The following SEC24B variants were observed in gnomAD, a reference collection of about 807,000 sequenced individuals.
SEC24B encodes the protein protein transport protein Sec24B.
Under a neutral mutation model 142.8 loss-of-function variants are expected in SEC24B, and 45 were observed. That is an observed-to-expected ratio of 0.32 (90% CI 0.25 to 0.40). The LOEUF is 0.40. Ranked by LOEUF, SEC24B falls within the 10% of genes least tolerant of loss-of-function variation. The pLI is 1.00. For missense variants in SEC24B, 1,409 were observed against 1,526.8 expected (o/e 0.92, Z 1.29); for synonymous variants, 574 against 568.2 (o/e 1.01, Z -0.15).
intron 2 of SEC24B, among the ~76,000 whole-genome samples, chr4:109,466,338 A>G (rs1178697051): frequency 6.6e-6 from 1 of 152,232 alleles, no homozygotes; most frequent in East Asian, 1.9e-4. Context: ...CTGGCAACAT[A>G]ATTGCTTTCA....
intron 1 of SEC24B, among the ~76,000 whole-genome samples, chr4:109,462,498 CAG>C (rs1182735266): frequency 3.3e-5 from 5 of 152,134 alleles, no homozygotes; most frequent in African/African-American, 1.2e-4. Flanking sequence ...GGCTGTTGGC[CAG>C]AGAGTTAAGT....
chr4:109,442,304 C>T (rs1411091068), intron 1 of SEC24B, among the ~76,000 whole-genome samples: 3 of 152,106 alleles, frequency 2.0e-5, no homozygotes, highest in African/African-American at 7.2e-5. Flanking sequence ...AAGGTTTGGG[C>T]TAGCATGGTG....
At chr4:109,451,383 T>TG (rs1395487134) in intron 1 of SEC24B, among the ~76,000 whole-genome samples, 1 of 150,392 alleles carries the variant, frequency 6.6e-6, no homozygotes, top group Non-Finnish European at 1.5e-5. Context: ...TTTAAAGAAA[T>TG]GGAGTCTCGC....
chr4:109,504,329 C>T lies in SEC24B; in HGVS notation c.1489-1999C>T, dbSNP rs150741106. Among the ~76,000 whole-genome samples the T allele has an allele frequency of 4.7e-4, 71 of 152,242 alleles. No individual in the cohort carries two copies. The Middle Eastern group carries it at 0.01, about 22-fold the overall frequency. ...AAAATGCCTTTGTATACTTTGTTCA[C>T]ATTAAAACCCAAATAATAGTTTACT... On this transcript the variant is annotated intron_variant, in intron 6 of 23. Coordinates refer to ENST00000265175, the MANE Select transcript of SEC24B (RefSeq NM_006323.5).
chr4:109,434,366 A>G (rs1165146540), intron 1 of SEC24B, among the ~76,000 whole-genome samples: 3 of 152,116 alleles, frequency 2.0e-5, no homozygotes, highest in African/African-American at 7.2e-5. Flanking sequence ...CCTAGCCTGG[A>G]CGCGGGCGAG....
At chr4:109,491,692 C>G (rs1735035619) in intron 5 of SEC24B, among the ~76,000 whole-genome samples, 1 of 152,024 alleles carries the variant, frequency 6.6e-6, no homozygotes, top group South Asian at 2.1e-4. Flanking sequence ...AGAATAACTA[C>G]TCCTTAAATA....
At chr4:109,435,367 T>A (rs1728309303) in intron 1 of SEC24B, among the ~76,000 whole-genome samples, 1 of 152,236 alleles carries the variant, frequency 6.6e-6, no homozygotes, top group Non-Finnish European at 1.5e-5. Flanking sequence ...CTTGTAACCT[T>A]AATATAAGTT....
chr4:109,458,588 G>A (rs1730941030), intron 1 of SEC24B, among the ~76,000 whole-genome samples: 1 of 152,114 alleles, frequency 6.6e-6, no homozygotes, highest in South Asian at 2.1e-4. Flanking sequence ...ATGGCAGATA[G>A]AAAATTGATT....
chr4:109,503,036 G>T (rs893850339), intron 6 of SEC24B, among the ~76,000 whole-genome samples: 7 of 150,224 alleles, frequency 4.7e-5, no homozygotes, highest in Non-Finnish European at 1.0e-4. Flanking sequence ...TAAATTTTAT[G>T]TAGTTATTTT....
rs1726010921 is a variant in SEC24B, at chr4:109,539,916, C to T, written c.*241C>T. ...AGTATATTTTGAATTGGTTTCTACACATTTCCAGTAGTATGGCAGTACAGT... is the reference window on the plus strand; with the variant it reads ...AGTATATTTTGAATTGGTTTCTACATATTTCCAGTAGTATGGCAGTACAGT... On this transcript the variant is annotated 3_prime_UTR_variant, in exon 24 of 24. Transcript: ENST00000265175. 1 of 461,004 alleles carries T rather than the reference C, an allele frequency of 2.2e-6. No individual in the cohort carries two copies. Among genetic ancestry groups the T allele is most frequent in the Admixed American group, 3.9e-5 (1 of 25,352 alleles). 28.6% of individuals were successfully genotyped at this position (461,004 alleles called of 1,614,324 possible). A position where few individuals can be genotyped will look rare whatever the true frequency, so the allele number is the denominator to read the frequency against.
intron 4 of SEC24B, among the ~76,000 whole-genome samples, chr4:109,486,045 GT>G (rs777527299): frequency 6.0e-4 from 92 of 152,270 alleles, no homozygotes; most frequent in Non-Finnish European, 1.0e-3. Context: ...GTCTTGTTTT[GT>G]TTTTTCCCCC....
chr4:109,514,820 C>T (rs1737750499), intron 10 of SEC24B, among the ~76,000 whole-genome samples: 1 of 152,182 alleles, frequency 6.6e-6, no homozygotes, highest in Admixed American at 6.5e-5. Flanking sequence ...AAATTTTTGG[C>T]GCCTGGCTCA....
chr4:109,438,613 CAG>C (rs1728637761), intron 1 of SEC24B, among the ~76,000 whole-genome samples: 1 of 152,202 alleles, frequency 6.6e-6, no homozygotes, highest in Admixed American at 6.5e-5. Context: ...TTTCTGTTAA[CAG>C]ACTCTAAGAA....
chr4:109,527,428 C>T lies in SEC24B; in HGVS notation c.3072C>T (p.Asn1024=), dbSNP rs775495287. Residue 1024 remains asparagine (N), a synonymous_variant, in exon 18 of 24, where the codon AAC becomes AAT. Transcript: ENST00000265175. ...AAGCTGCCATCTGCCTTCTGGCAAA[C>T]ATGGGTGAGTAAAAATTGAAGGAAC... is the stretch of plus-strand genomic sequence containing the variant. The part of the protein sequence containing the change: ...DVQAAICLLA[N]MAVDRSVSSS... The T allele has an allele frequency of 2.3e-5, 37 of 1,597,566 alleles. 1 individual carries two copies. In the South Asian group the frequency reaches 3.0e-4, roughly 13 times the overall value.
At chr4:109,529,778 C>T (rs923134606) in intron 18 of SEC24B, among the ~76,000 whole-genome samples, 12 of 152,296 alleles carry the variant, frequency 7.9e-5, no homozygotes, top group African/African-American at 1.9e-4. Flanking sequence ...CTTGCTCTGT[C>T]GCCCATGCCA....
At chr4:109,455,129 A>G (rs1730531417) in intron 1 of SEC24B, among the ~76,000 whole-genome samples, 1 of 152,192 alleles carries the variant, frequency 6.6e-6, no homozygotes. Context: ...TTTTCAGCAC[A>G]CCTTCAGAGG....
chr4:109,464,086 G>T (rs1451180128), intron 2 of SEC24B, among the ~76,000 whole-genome samples: 1 of 152,076 alleles, frequency 6.6e-6, no homozygotes, highest in Non-Finnish European at 1.5e-5. Context: ...CCCCAAGTTA[G>T]CCCCTATTAG....
intron 4 of SEC24B, among the ~76,000 whole-genome samples, chr4:109,483,003 C>CACACACACACATATACACACACACACAT (rs1408633373): frequency 4.8e-5 from 4 of 84,100 alleles, no homozygotes; most frequent in African/African-American, 3.3e-4. Context: ...CACACACACA[C>CACACACACACATATACACACACACACAT]ATATTATACA....
At chr4:109,467,808 C>T (rs566199041) in intron 2 of SEC24B, among the ~76,000 whole-genome samples, 26 of 152,130 alleles carry the variant, frequency 1.7e-4, no homozygotes, top group Non-Finnish European at 1.5e-4. Flanking sequence ...ATCTTGATAG[C>T]GTATTATAAA....
Sources: allele counts gnomAD v4.1 joint callset (sites outside exome capture counted in the v4.1 genomes callset), GRCh38; gene constraint gnomAD v4.1.1; transcripts MANE v1.5; gene names NCBI Gene and HGNC (gene_info 2026-07-23, HGNC 2026-07-21).